IGF1R: variants seen among roughly 807,000 people sequenced by gnomAD.
The protein encoded by IGF1R is insulin like growth factor 1 receptor, also known as insulin-like growth factor 1 receptor.
In IGF1R, 44 loss-of-function variants were observed where a neutral mutation model predicts 144.6. The observed-to-expected ratio is 0.30, with a 90% CI of 0.24 to 0.39. The LOEUF (loss-of-function observed/expected upper bound fraction) is 0.39. Among genes scored for constraint, IGF1R ranks in the 10% least tolerant of loss-of-function variants. IGF1R has a pLI of 1.00. For missense variants in IGF1R, 1,355 were observed against 1,833.7 expected, an observed-to-expected ratio of 0.74 and a Z score of 4.77; for synonymous variants, 795 against 722.8, an observed-to-expected ratio of 1.10 and a Z score of -1.60.
chr15:98,887,853 G>A lies in IGF1R; in HGVS notation c.641-3472G>A, dbSNP rs576487442. 5.3e-5 allele frequency among the ~76,000 whole-genome samples: 8 copies of A among 152,224 alleles called. No individual in the cohort carries two copies. In the South Asian group the frequency reaches 1.0e-3, roughly 20 times the overall value. On this transcript the variant is annotated intron_variant, in intron 2 of 20. Transcript: ENST00000650285. ...CTGATCATCATGTCCCTTGCACTGCGGCCAGGTAACCTTTCTGATACGAAG... is the reference window on the plus strand; with the variant it reads ...CTGATCATCATGTCCCTTGCACTGCAGCCAGGTAACCTTTCTGATACGAAG...
In IGF1R at chr15:98,689,744, C is replaced by T. The variant is rs187352850; in HGVS notation, c.95-17818C>T. ...GAGTTGCCCCCTTATATAGGTCTCT[C>T]GGGATGCCCCAGTGGAGAACAGCAT... On this transcript the variant is annotated intron_variant, in intron 1 of 20. Coordinates refer to ENST00000650285, the MANE Select transcript of IGF1R (RefSeq NM_000875.5). 3.0e-3 allele frequency among the ~76,000 whole-genome samples: 458 copies of T among 152,258 alleles called. 1 individual carries two copies. The highest frequency in any genetic ancestry group is 4.3e-3 in the Non-Finnish European group (290 of 68,024).
At chr15:98,682,422 G>T (rs1176322040) in intron 1 of IGF1R, among the ~76,000 whole-genome samples, 1 of 152,186 alleles carries the variant, frequency 6.6e-6, no homozygotes, top group African/African-American at 2.4e-5. Context: ...AGTGTCAGGT[G>T]TAATTATAAA....
rs2017307360 is a variant in IGF1R at position 98,963,497 on chromosome 15, A to C, written c.*6055A>C. The C allele has an allele frequency of 8.6e-6, 2 of 233,082 alleles. No individual in the cohort carries two copies. The highest frequency in any genetic ancestry group is 1.8e-4 in the South Asian group (1 of 5,536). The allele number at this position is 233,082 out of a possible 1,614,324, so 14.4% of individuals were successfully genotyped here. A position where few individuals can be genotyped will look rare whatever the true frequency, so the allele number is the denominator to read the frequency against. On this transcript the variant is annotated 3_prime_UTR_variant, in exon 21 of 21. Transcript: ENST00000650285. Reference sequence around the variant, plus strand: ...GGAAAGAACCTCATTGGCCATGGAAACAGCCGAGGTGTTGGAGCCCAGCAG... The same window carrying C: ...GGAAAGAACCTCATTGGCCATGGAACCAGCCGAGGTGTTGGAGCCCAGCAG...
intron 2 of IGF1R, among the ~76,000 whole-genome samples, chr15:98,846,565 A>G (rs1190435687): frequency 2.0e-5 from 3 of 152,182 alleles, no homozygotes; most frequent in South Asian, 2.1e-4. Flanking sequence ...TCTTCATGAT[A>G]CCACACGGTG....
intron 2 of IGF1R, among the ~76,000 whole-genome samples, chr15:98,772,504 A>G (rs993477084): frequency 2.6e-5 from 3 of 114,656 alleles, no homozygotes; most frequent in Admixed American, 1.1e-4. Flanking sequence ...TATTATTATT[A>G]TTATTATTAT....
At chr15:98,931,819 T>C (rs768035557) in intron 15 of IGF1R, among the ~76,000 whole-genome samples, 16 of 152,104 alleles carry the variant, frequency 1.1e-4, no homozygotes, top group Non-Finnish European at 1.9e-4. Context: ...ATCCCACCAC[T>C]GCACTACAGC....
chr15:98,677,102 G>A (rs1596172575), intron 1 of IGF1R, among the ~76,000 whole-genome samples: 1 of 151,792 alleles, frequency 6.6e-6, no homozygotes, highest in Non-Finnish European at 1.5e-5. Context: ...GCCTGGCTAA[G>A]TTTTTTCTTT....
At chr15:98,862,154 GA>G in intron 2 of IGF1R, among the ~76,000 whole-genome samples, 1 of 152,330 alleles carries the variant, frequency 6.6e-6, no homozygotes, top group African/African-American at 2.4e-5. Flanking sequence ...TTTTGCTGTT[GA>G]AAGAATTTGA....
At chr15:98,874,681 C>G (rs1397342770) in intron 2 of IGF1R, among the ~76,000 whole-genome samples, 1 of 152,196 alleles carries the variant, frequency 6.6e-6, no homozygotes, top group Non-Finnish European at 1.5e-5. Context: ...ATGTCGTGAT[C>G]TTGAGTTGCT....
chr15:98,741,047 T>A (rs1025482741), intron 2 of IGF1R, among the ~76,000 whole-genome samples: 2 of 90,004 alleles, frequency 2.2e-5, no homozygotes, highest in African/African-American at 3.6e-5. Flanking sequence ...TTTAACATTT[T>A]ATTTTTTTAA....
At chr15:98,821,479 A>G (rs2056801528) in intron 2 of IGF1R, among the ~76,000 whole-genome samples, 1 of 152,148 alleles carries the variant, frequency 6.6e-6, no homozygotes, top group South Asian at 2.1e-4. Context: ...TTTCTGCTGG[A>G]TTTCAAGTTC....
Position 98,704,175 on chromosome 15 carries a change from CTT to C in IGF1R, c.95-3385_95-3384del, listed in dbSNP as rs1567084964. 6.6e-6 allele frequency among the ~76,000 whole-genome samples: 1 copy of C among 152,062 alleles called. No individual in the cohort carries two copies. The highest frequency in any genetic ancestry group is 1.5e-5 in the Non-Finnish European group (1 of 68,034). On this transcript the variant is annotated intron_variant, in intron 1 of 20. Transcript: ENST00000650285. This position sits in a 1 kb window ranked among gnomAD's most constrained non-coding sequence, Gnocchi z 4.9. Reference sequence around the variant, plus strand: ...AATAAAATGGTTCGTTGTATACAAACTTTGTTTCATGCACAAGATTATTAAAA... The same window carrying C: ...AATAAAATGGTTCGTTGTATACAAACTGTTTCATGCACAAGATTATTAAAA...
At chr15:98,801,682 T>C (rs2056367096) in intron 2 of IGF1R, among the ~76,000 whole-genome samples, 1 of 152,222 alleles carries the variant, frequency 6.6e-6, no homozygotes, top group Non-Finnish European at 1.5e-5. Context: ...GCATGAGGCA[T>C]TGTAGCTATG....
chr15:98,829,709 G>A (rs1009987594), intron 2 of IGF1R, among the ~76,000 whole-genome samples: 9 of 152,162 alleles, frequency 5.9e-5, no homozygotes, highest in African/African-American at 2.2e-4. Flanking sequence ...CTTTTTATAT[G>A]CAGCAATTAT....
chr15:98,758,128 G>T (rs999823612), intron 2 of IGF1R, among the ~76,000 whole-genome samples: 1 of 151,572 alleles, frequency 6.6e-6, no homozygotes, highest in African/African-American at 2.4e-5. Context: ...TTGGGCGCTC[G>T]CATTTCTTCT....
intron 2 of IGF1R, among the ~76,000 whole-genome samples, chr15:98,779,883 T>A (rs1022409448): frequency 1.3e-5 from 2 of 152,046 alleles, no homozygotes; most frequent in Non-Finnish European, 2.9e-5. Context: ...ATTAGCAGAG[T>A]TTGCCCTCCA....
chr15:98,897,181 C>T (rs527852920), intron 4 of IGF1R: 176 of 459,158 alleles, frequency 3.8e-4, no homozygotes, highest in South Asian at 2.9e-3. Flanking sequence ...ATAGGAGAGG[C>T]AAGCCCTGAC....
chr15:98,881,633 T>G (rs998861652), intron 2 of IGF1R, among the ~76,000 whole-genome samples: 2 of 152,120 alleles, frequency 1.3e-5, no homozygotes, highest in African/African-American at 4.8e-5. Context: ...GGCCCTTCCT[T>G]TTAGACAATA....
At chr15:98,759,798 G>A (rs1262024412) in intron 2 of IGF1R, among the ~76,000 whole-genome samples, 1 of 152,212 alleles carries the variant, frequency 6.6e-6, no homozygotes, top group Non-Finnish European at 1.5e-5. Context: ...GCCCGAACCT[G>A]CTAATGAAAG....
Sources: gnomAD v4.1 joint callset for allele counts (sites outside exome capture counted in the v4.1 genomes callset) on GRCh38, gnomAD v4.1.1 for gene constraint, Gnocchi (gnomAD v3.1) non-coding constraint, MANE v1.5 for transcripts, NCBI Gene and HGNC (gene_info 2026-07-23, HGNC 2026-07-21) for gene names.